Variants in DMD observed in about 807,000 individuals in gnomAD.
The protein encoded by DMD is dystrophin, also known as mutant dystrophin.
DMD carries 63 observed loss-of-function variants against 330.1 expected under a neutral mutation model. That is an observed-to-expected ratio of 0.19 (90% CI 0.16 to 0.24). The LOEUF is 0.24. Among genes scored for constraint, DMD ranks in the 10% least tolerant of loss-of-function variants. The pLI, the probability that DMD is intolerant of heterozygous loss-of-function variation, is 1.00. For synonymous variants in DMD, 1,223 were observed against 959.8 expected, an observed-to-expected ratio of 1.27 and a Z score of -5.07; for missense variants, 3,344 against 2,684.1, an observed-to-expected ratio of 1.25 and a Z score of -5.43.
rs754807865 is a variant in DMD, at chrX:31,444,482, T to C, written c.9083A>G (p.Gln3028Arg). ...EDLNTRWKLL[Q>R]VAVEDRVRQL... ...CAACAATGTTTACAATGTGCTTACC[T>C]GCAGAAGCTTCCATCTGGTGTTCAG... The change falls in exon 60 of 79, where the codon CAG becomes CGG. Residue 3028 changes from glutamine to arginine, a missense_variant and splice_region_variant. By Grantham distance (43) the Gln-to-Arg change is conservative. Coordinates refer to ENST00000357033, the MANE Select transcript of DMD (RefSeq NM_004006.3). The C allele has an allele frequency of 8.3e-7, 1 of 1,211,594 alleles. No individual in the cohort carries two copies.
intron 7 of DMD, among the ~76,000 whole-genome samples, chrX:32,754,040 C>A (rs1026975344): frequency 1.3e-4 from 15 of 111,118 alleles, no homozygotes; most frequent in South Asian, 7.6e-4. Context: ...TTGAAAATTA[C>A]CCCTTTGCTG....
At chrX:31,208,892 A>C (rs747383844) in intron 65 of DMD, among the ~76,000 whole-genome samples, 6 of 111,601 alleles carry the variant, frequency 5.4e-5, no homozygotes, top group African/African-American at 2.0e-4. Context: ...CCTTGTGTGC[A>C]ATCCAAAACA....
intron 1 of DMD, among the ~76,000 whole-genome samples, chrX:33,288,886 T>A (rs2053473029): frequency 1.8e-5 from 2 of 111,270 alleles, no homozygotes; most frequent in South Asian, 7.6e-4. Context: ...GCCAACTAAC[T>A]TGCACAGTGC....
At chrX:32,917,372 T>C (rs1263729052) in intron 2 of DMD, among the ~76,000 whole-genome samples, 2 of 111,774 alleles carry the variant, frequency 1.8e-5, no homozygotes, top group Non-Finnish European at 3.8e-5. Flanking sequence ...CACGAAAATA[T>C]GTACAACTAT....
At chrX:33,005,416 C>T (rs2093374644) in intron 2 of DMD, among the ~76,000 whole-genome samples, 1 of 107,636 alleles carries the variant, frequency 9.3e-6, no homozygotes, top group African/African-American at 3.4e-5. Flanking sequence ...AAATATAAAC[C>T]AAAAGCTAAG....
intron 44 of DMD, among the ~76,000 whole-genome samples, chrX:32,189,829 A>G (rs992814897): frequency 9.0e-6 from 1 of 111,282 alleles, no homozygotes; most frequent in Non-Finnish European, 1.9e-5. Flanking sequence ...ACTGTGCAGT[A>G]GAACCCTTTC....
intron 47 of DMD, among the ~76,000 whole-genome samples, chrX:31,909,163 CTGTT>C (rs2094515968): frequency 8.9e-6 from 1 of 112,126 alleles, no homozygotes; most frequent in African/African-American, 3.2e-5. Flanking sequence ...GTCTACCTGT[CTGTT>C]TATCAGTCAA....
intron 62 of DMD, 138 bp downstream of exon 62, chrX:31,323,460 A>T: frequency 1.8e-6 from 1 of 568,754 alleles, no homozygotes; most frequent in Non-Finnish European, 2.9e-6. Context: ...TAAGTTTTTT[A>T]TCCAAGCTTC....
At chrX:32,276,808 C>A (rs899878452) in intron 43 of DMD, among the ~76,000 whole-genome samples, 1 of 110,421 alleles carries the variant, frequency 9.1e-6, no homozygotes, top group East Asian at 2.9e-4. Context: ...TAATCTCAGC[C>A]TCTTGGGGGG....
rs866779812 is a variant in DMD at position 31,284,858 on chromosome X, A to C, written c.9225-23842T>G. On this transcript the variant is annotated intron_variant, in intron 62 of 78. Transcript: ENST00000357033. Reference sequence around the variant, plus strand: ...CACACACACACACACACACACACACACACACCCACACCCACACACGCAAAG... The same window carrying C: ...CACACACACACACACACACACACACCCACACCCACACCCACACACGCAAAG... 1.3e-4 allele frequency among the ~76,000 whole-genome samples: 13 copies of C among 97,589 alleles called. No homozygotes were observed. The East Asian group carries it at 2.6e-3, about 20-fold the overall frequency. The allele number at this position is 97,589 out of a possible 115,157, so 84.7% of individuals were successfully genotyped here.
chrX:31,541,115 C>T (rs2073778148), intron 55 of DMD, among the ~76,000 whole-genome samples: 1 of 111,738 alleles, frequency 8.9e-6, no homozygotes, highest in Non-Finnish European at 1.9e-5. Context: ...ACAGGAGCCA[C>T]TGGCTGTAGG....
chrX:31,146,304 A>G lies in DMD; in HGVS notation c.10908T>C (p.Thr3636=), dbSNP rs769537502. Residue 3636 remains threonine, a synonymous_variant, in exon 76 of 79, where the codon ACT becomes ACC. Coordinates refer to ENST00000357033, the MANE Select transcript of DMD (RefSeq NM_004006.3). The part of the protein sequence containing the change: ...PMLLRVVGSQ[T]SDSMGEEDLL... ...TAGGACACTTACCCATGGAGTCCGA[A>G]GTTTGACTGCCAACCACTCGGAGCA... 8.3e-7 allele frequency: 1 copy of G among 1,211,294 alleles called. No homozygotes were observed. The highest frequency in any genetic ancestry group is 1.1e-6 in the Non-Finnish European group (1 of 895,282).
intron 51 of DMD, among the ~76,000 whole-genome samples, chrX:31,760,251 AT>A (rs1296760495): frequency 3.6e-5 from 4 of 111,979 alleles, no homozygotes; most frequent in South Asian, 3.7e-4. Context: ...TAGTCAAAAT[AT>A]TTTTTAACCA....
At chrX:32,369,977 G>T (rs1329605144) in intron 34 of DMD, among the ~76,000 whole-genome samples, 3 of 110,895 alleles carry the variant, frequency 2.7e-5, no homozygotes, top group Non-Finnish European at 5.7e-5. Flanking sequence ...TCCATAAAAG[G>T]CATCTTGAGA....
At chrX:31,976,885 G>A (rs756393216) in intron 44 of DMD, among the ~76,000 whole-genome samples, 5 of 111,613 alleles carry the variant, frequency 4.5e-5, no homozygotes, top group Non-Finnish European at 7.5e-5. Context: ...TCTCTTTAGT[G>A]TGACTGACTC....
At chrX:31,650,822 T>TA (rs1028531051) in intron 54 of DMD, among the ~76,000 whole-genome samples, 20 of 109,387 alleles carry the variant, frequency 1.8e-4, no homozygotes, top group East Asian at 5.7e-4. Context: ...CTCAGGAGGG[T>TA]AAAAAAAAAG....
chrX:32,491,709 C>G (rs1322754791), intron 19 of DMD, among the ~76,000 whole-genome samples, 191 bp from the exon 20 acceptor site: 1 of 111,469 alleles, frequency 9.0e-6, no homozygotes, highest in Non-Finnish European at 1.9e-5. Flanking sequence ...AGACTTGCGT[C>G]ACAACAATGA....
chrX:32,740,478 G>A (rs1327467440), intron 7 of DMD, among the ~76,000 whole-genome samples: 2 of 110,553 alleles, frequency 1.8e-5, no homozygotes, highest in African/African-American at 6.6e-5. Context: ...ACATAAATAA[G>A]AGAGGAGAAA....
chrX:31,315,915 T>C (rs1345604240), intron 62 of DMD, among the ~76,000 whole-genome samples: 1 of 112,266 alleles, frequency 8.9e-6, no homozygotes, highest in Non-Finnish European at 1.9e-5. Flanking sequence ...TAAAGCTCTA[T>C]TGACCACTAG....
Sources: gnomAD v4.1 joint callset for allele counts (sites outside exome capture counted in the v4.1 genomes callset) on GRCh38, gnomAD v4.1.1 for gene constraint, MANE v1.5 for transcripts, NCBI Gene and HGNC (gene_info 2026-07-23, HGNC 2026-07-21) for gene names.